C2: variants seen among roughly 807,000 people sequenced by gnomAD.
The protein encoded by C2 is C3/C5 convertase.
In C2, 64 loss-of-function variants were observed where a neutral mutation model predicts 85.2. The ratio of observed to expected loss-of-function variants is 0.75; its 90% CI spans 0.61 to 0.92. The LOEUF is 0.92. C2 is among the 40% of genes least tolerant of loss of function. The pLI is 0.00. For missense variants in C2, 820 were observed against 971.6 expected, an observed-to-expected ratio of 0.84 and a Z score of 2.07; for synonymous variants, 311 against 370.8, an observed-to-expected ratio of 0.84 and a Z score of 1.85.
At chr6:31,936,164 G>A (rs1770402013) in intron 7 of C2, 103 bp downstream of exon 7, 1 of 1,283,582 alleles carries the variant, frequency 7.8e-7, no homozygotes, top group African/African-American at 1.5e-5. Context: ...GAGGCCTCTT[G>A]GTGGCACCTG....
At position 31,910,096 on chromosome 6, in the gene C2, G is replaced by T. The variant is rs575716422; in HGVS notation, c.73+8957G>T. On this transcript the variant is annotated intron_variant, in intron 1 of 3. Transcript: ENST00000452202. ...GGGTTTCACCATATTGGCCAGGCTG[G>T]TCTCGAACTCCTGACCTTGTGATCC... 1.3e-3 allele frequency among the ~76,000 whole-genome samples: 200 copies of T among 151,022 alleles called. 5 individuals carry two copies. In the South Asian group the frequency reaches 0.039, roughly 29 times the overall value.
upstream of C2, among the ~76,000 whole-genome samples, chr6:31,917,855 G>A (rs1284650653): frequency 1.3e-5 from 2 of 151,764 alleles, no homozygotes; most frequent in Non-Finnish European, 2.9e-5. Flanking sequence ...GCAGTGAGCC[G>A]AGATCACGCC....
intron 3 of C2, among the ~76,000 whole-genome samples, chr6:31,932,161 A>G (rs1582081126): frequency 8.1e-6 from 1 of 123,096 alleles, no homozygotes; most frequent in African/African-American, 3.3e-5. Context: ...CTGGCCGGGC[A>G]GAGTGGCTCC....
chr6:31,934,426 C>T, intron 6 of C2, 127 bp downstream of exon 6: 1 of 1,329,360 alleles, frequency 7.5e-7, no homozygotes, highest in Non-Finnish European at 1.1e-6. Flanking sequence ...AGATTATACT[C>T]ATGCCATGTA....
chr6:31,931,570 A>G (rs1044455690), intron 3 of C2, among the ~76,000 whole-genome samples: 1 of 151,976 alleles, frequency 6.6e-6, no homozygotes, highest in African/African-American at 2.4e-5. Flanking sequence ...CAGAGAGCAC[A>G]GGGTTGGGGG....
rs1467072225 is a variant in C2, at chr6:31,927,815, G to A, written c.46+17G>A. 2 of 1,613,112 alleles carry A rather than the reference G, an allele frequency of 1.2e-6. No individual in the cohort carries two copies. The highest frequency in any genetic ancestry group is 2.2e-5 in the East Asian group (1 of 44,882). On this transcript the variant is annotated intron_variant, in intron 1 of 17. Transcript: ENST00000299367. The surrounding 1 kb of genome is among the most constrained non-coding windows in gnomAD (Gnocchi z 4.7). ...TGTACCCAGGTAGGAGGCAGGGAAG[G>A]GGGAACGTCAGGGTCCTGTGTGTGA...
chr6:31,900,607 C>G, upstream of C2: 1 of 1,612,732 alleles, frequency 6.2e-7, no homozygotes. This position sits in a 1 kb window ranked among gnomAD's most constrained non-coding sequence, Gnocchi z 9.7. Context: ...CTCCAATGCC[C>G]AGACCCCCTC....
intron 1 of C2, among the ~76,000 whole-genome samples, chr6:31,910,000 C>A (rs767663132): frequency 3.7e-4 from 56 of 151,776 alleles, no homozygotes; most frequent in Non-Finnish European, 7.2e-4. Flanking sequence ...CCTGCCTCAG[C>A]CTCCTGAGTA....
chr6:31,900,575 C>T (rs1389125512), upstream of C2: 1 of 1,612,044 alleles, frequency 6.2e-7, no homozygotes, highest in Non-Finnish European at 8.5e-7. This position sits in a 1 kb window ranked among gnomAD's most constrained non-coding sequence, Gnocchi z 9.7. Flanking sequence ...GGCCAGCTCC[C>T]CAAGGTGGCC....
rs1311175227 is a variant in C2, at chr6:31,944,660, C to T, written c.1903-67C>T. The stretch of plus-strand genomic sequence containing the variant: ...CCTCCCAAAGTGCTGAGATTACAGG[C>T]GTGAGCCACTGCACCCACCCGGGTC... On this transcript the variant is annotated intron_variant, in intron 15 of 17. Coordinates refer to ENST00000299367, the MANE Select transcript of C2 (RefSeq NM_000063.6). This position sits in a 1 kb window ranked among gnomAD's most constrained non-coding sequence, Gnocchi z 5.1. The T allele has an allele frequency of 8.9e-6, 14 of 1,572,884 alleles. No individual in the cohort carries two copies. The African/African-American group carries it at 1.1e-4, about 12-fold the overall frequency.
upstream of C2, among the ~76,000 whole-genome samples, chr6:31,926,318 G>A (rs1317307014): frequency 6.7e-6 from 1 of 149,442 alleles, no homozygotes; most frequent in Non-Finnish European, 1.5e-5. Context: ...TCCAAGGGGA[G>A]TCTCAATTTG....
In C2 at chr6:31,945,502, C is replaced by A; in HGVS notation, c.*145C>A. 1 of 802,412 alleles carries A rather than the reference C, an allele frequency of 1.2e-6. No individual in the cohort carries two copies. 49.7% of individuals were successfully genotyped at this position (802,412 alleles called of 1,614,324 possible). On this transcript the variant is annotated 3_prime_UTR_variant, in exon 18 of 18. Transcript: ENST00000299367. The surrounding 1 kb of genome is among the most constrained non-coding windows in gnomAD (Gnocchi z 5.3). ...TCTCTAGGATGCCAGAGGCAGCGCA[C>A]ACAAGCTGGGAAATCCTCAGGGCTC... is the stretch of plus-strand genomic sequence containing the variant.
upstream of C2, among the ~76,000 whole-genome samples, chr6:31,919,056 A>G (rs1768765247): frequency 6.6e-6 from 1 of 152,106 alleles, no homozygotes; most frequent in Non-Finnish European, 1.5e-5. Flanking sequence ...TTGAAATTTT[A>G]CAAAATAAAA....
At chr6:31,919,625 C>CT (rs766496937), upstream of C2, among the ~76,000 whole-genome samples, 2 of 152,178 alleles carry the variant, frequency 1.3e-5, no homozygotes. Flanking sequence ...ACACAGAGAG[C>CT]ATATGTGGCT....
intron 3 of C2, among the ~76,000 whole-genome samples, chr6:31,931,720 C>A (rs1469327161): frequency 6.6e-6 from 1 of 152,292 alleles, no homozygotes; most frequent in African/African-American, 2.4e-5. Flanking sequence ...ACCTTTCCCC[C>A]CTTTCTATTC....
At position 31,944,831 on chromosome 6, in the gene C2, G is replaced by C; in HGVS notation, c.2007G>C (p.Gln669His). 6.2e-7 allele frequency: 1 copy of C among 1,613,100 alleles called. No individual in the cohort carries two copies. The highest frequency in any genetic ancestry group is 8.5e-7 in the Non-Finnish European group (1 of 1,180,042). The change falls in exon 16 of 18, where the codon CAG becomes CAC. Residue 669 changes from glutamine to histidine, a missense_variant. Physicochemically the swap from Gln to His is conservative, Grantham distance 24. Coordinates refer to ENST00000299367, the MANE Select transcript of C2 (RefSeq NM_000063.6). This position sits in a 1 kb window ranked among gnomAD's most constrained non-coding sequence, Gnocchi z 5.1. ...ACCAGTTCCTATGCAGTGGGACCCAGGAGGATGAGAGTCCCTGCAAGGGTG... is the reference window on the plus strand; with the variant it reads ...ACCAGTTCCTATGCAGTGGGACCCACGAGGATGAGAGTCCCTGCAAGGGTG... ...VTDQFLCSGT[Q>H]EDESPCKGES...
chr6:31,934,230 CTGTTCGCAGAG>C lies in C2; in HGVS notation c.784_794del (p.Ser262ValfsTer4). ...ATCTGAACCTCTACCTGCTCCTGGA[CTGTTCGCAGAG>C]TGTGTCGGAAAATGACTTTCTCATC... On this transcript the variant is annotated frameshift_variant, in exon 6 of 18. Coordinates refer to ENST00000299367, the MANE Select transcript of C2 (RefSeq NM_000063.6). LOFTEE classifies it high-confidence loss of function. The C allele has an allele frequency of 3.1e-6, 5 of 1,614,188 alleles. No individual in the cohort carries two copies. Among genetic ancestry groups the C allele is most frequent in the Non-Finnish European group, 4.2e-6 (5 of 1,180,028 alleles).
chr6:31,903,862 C>T lies in C2; in HGVS notation c.73+2723C>T, dbSNP rs148576683. Reference sequence around the variant, plus strand: ...TGATTTGTATGCCCGCACCCAGTTCCCTCTGTTGAATCTAAGAGTCTGTTC... The same window carrying T: ...TGATTTGTATGCCCGCACCCAGTTCTCTCTGTTGAATCTAAGAGTCTGTTC... On this transcript the variant is annotated intron_variant, in intron 1 of 3. Transcript: ENST00000452202. Among the ~76,000 whole-genome samples, 98 of 151,876 alleles carry T rather than the reference C, an allele frequency of 6.5e-4. 1 individual carries two copies. Among genetic ancestry groups the T allele is most frequent in the African/African-American group, 2.3e-3 (96 of 41,354 alleles).
Position 31,944,364 on chromosome 6 carries a change from G to T in C2, c.1902+138G>T. 1.4e-6 allele frequency: 1 copy of T among 708,704 alleles called. No individual in the cohort carries two copies. The highest frequency in any genetic ancestry group is 2.6e-6 in the Non-Finnish European group (1 of 390,496). The allele number at this position is 708,704 out of a possible 1,614,324, so 43.9% of individuals were successfully genotyped here. On this transcript the variant is annotated intron_variant, in intron 15 of 17. Transcript: ENST00000299367. This position sits in a 1 kb window ranked among gnomAD's most constrained non-coding sequence, Gnocchi z 5.1. ...CCCAAGCCTCACAAACCTGCTAGGT[G>T]TCCCTGGGTCTGCTTATTCTTTTTT...
Sources: gnomAD v4.1 joint callset for allele counts (sites outside exome capture counted in the v4.1 genomes callset) on GRCh38, gnomAD v4.1.1 for gene constraint, Gnocchi (gnomAD v3.1) non-coding constraint, MANE v1.5 for transcripts, NCBI Gene and HGNC (gene_info 2026-07-23, HGNC 2026-07-21) for gene names.